The following CCDC7 variants were observed in gnomAD, a reference collection of about 807,000 sequenced individuals.
CCDC7 encodes the protein coiled-coil domain containing 7, also known as coiled-coil domain-containing protein 7.
In CCDC7, 183 loss-of-function variants were observed where a neutral mutation model predicts 196.9. That is an observed-to-expected ratio of 0.93 (90% confidence interval 0.82 to 1.05). The LOEUF (loss-of-function observed/expected upper bound fraction) is 1.05, where lower values mean the gene tolerates loss of function less well. Among genes scored for constraint, CCDC7 ranks in the 50% least tolerant of loss-of-function variants. The pLI is 0.00. For missense variants in CCDC7, 1,540 were observed against 1,482.2 expected (o/e 1.04, Z -0.64); for synonymous variants, 525 against 484.6 (o/e 1.08, Z -1.10).
chr10:32,518,272 T>C (rs1178044966), intron 10 of CCDC7, 144 bp from the exon 12 acceptor site: 1 of 828,472 alleles, frequency 1.2e-6, no homozygotes, highest in Non-Finnish European at 1.7e-6. Context: ...CTCCAATTAT[T>C]GTGTCACTCT....
Position 32,759,475 on chromosome 10 carries a change from G to C in CCDC7, c.2906-19502G>C, listed in dbSNP as rs563897145. 8.0e-3 allele frequency among the ~76,000 whole-genome samples: 1,224 copies of C among 152,056 alleles called. 7 individuals carry two copies. The highest frequency in any genetic ancestry group is 0.02 in the Middle Eastern group (6 of 294). ...ACTATCTGATCTTTGACAAACCTGA[G>C]AAAAACAAGAAATGGGGAAAGGATT... On this transcript the variant is annotated intron_variant, in intron 28 of 41. Coordinates refer to ENST00000639629, the Ensembl canonical transcript of CCDC7.
intron 18 of CCDC7, among the ~76,000 whole-genome samples, chr10:32,617,173 T>A (rs1033062062): frequency 6.6e-6 from 1 of 151,908 alleles, no homozygotes; most frequent in Non-Finnish European, 1.5e-5. Flanking sequence ...ATTGAGATCT[T>A]GTCTCTTCTT....
At chr10:32,500,537 G>C (rs1386915720) in intron 9 of CCDC7, among the ~76,000 whole-genome samples, 2 of 151,684 alleles carry the variant, frequency 1.3e-5, no homozygotes, top group African/African-American at 4.8e-5. Flanking sequence ...GTGATGGCTA[G>C]GAAGAGGTGC....
intron 29 of CCDC7, among the ~76,000 whole-genome samples, chr10:32,802,617 A>G (rs946702459): frequency 1.3e-5 from 2 of 152,308 alleles, no homozygotes; most frequent in African/African-American, 2.4e-5. Context: ...GACTCACACA[A>G]TCAAAAGGTG....
At chr10:32,457,332 T>C (rs1202807074) in intron 3 of CCDC7, among the ~76,000 whole-genome samples, 1 of 152,188 alleles carries the variant, frequency 6.6e-6, no homozygotes, top group African/African-American at 2.4e-5. Context: ...GATTTAATTC[T>C]TTTTTGGAAT....
chr10:32,626,495 TCTC>T (rs1372103673), intron 18 of CCDC7, among the ~76,000 whole-genome samples: 1 of 152,000 alleles, frequency 6.6e-6, no homozygotes, highest in East Asian at 1.9e-4. Flanking sequence ...GTACATGTTT[TCTC>T]CTAATTCATA....
intron 18 of CCDC7, among the ~76,000 whole-genome samples, chr10:32,589,831 T>C (rs925724830): frequency 6.6e-6 from 1 of 152,186 alleles, no homozygotes; most frequent in Non-Finnish European, 1.5e-5. Flanking sequence ...TTATAGTTTT[T>C]ATCTTGAAAT....
intron 13 of CCDC7, among the ~76,000 whole-genome samples, chr10:32,560,332 A>T (rs1219480944): frequency 8.5e-5 from 13 of 152,164 alleles, no homozygotes; most frequent in African/African-American, 3.1e-4. Flanking sequence ...CGCCACAAAG[A>T]TACTCCTCGA....
At chr10:32,449,953 A>G (rs1329480407), upstream of CCDC7, among the ~76,000 whole-genome samples, 2 of 152,200 alleles carry the variant, frequency 1.3e-5, no homozygotes, top group Admixed American at 6.5e-5. Flanking sequence ...TTGTCGTTGG[A>G]CTTTCCAATC....
intron 32 of CCDC7, among the ~76,000 whole-genome samples, chr10:32,828,485 G>A (rs4934624): frequency 0.047 from 2,316 of 49,476 alleles, 300 homozygotes; most frequent in Non-Finnish European, 0.072. Flanking sequence ...AAGAGGAAGA[G>A]GAAGAAGAAG....
chr10:32,805,515 A>G (rs780129313), intron 30 of CCDC7, among the ~76,000 whole-genome samples: 31 of 152,214 alleles, frequency 2.0e-4, no homozygotes, highest in Non-Finnish European at 4.4e-4. Flanking sequence ...TCTATACTTT[A>G]AAATGTCAGG....
At chr10:32,602,155 A>G (rs1431420191) in intron 18 of CCDC7, among the ~76,000 whole-genome samples, 1 of 151,200 alleles carries the variant, frequency 6.6e-6, no homozygotes, top group Non-Finnish European at 1.5e-5. Context: ...CGAGACCACA[A>G]ACCCACTGGA....
intron 21 of CCDC7, among the ~76,000 whole-genome samples, chr10:32,680,535 C>T (rs1440615667): frequency 1.3e-5 from 2 of 152,054 alleles, no homozygotes; most frequent in African/African-American, 4.8e-5. Flanking sequence ...CTCCCATCAA[C>T]TCGTCATTTA....
At chr10:32,673,652 CACGTGTGTGTGT>C (rs937542360) in intron 21 of CCDC7, among the ~76,000 whole-genome samples, 4 of 22,862 alleles carry the variant, frequency 1.7e-4, no homozygotes, top group African/African-American at 3.3e-4. Flanking sequence ...AACCATTGTG[CACGTGTGTGTGT>C]GTGTGTGTGT....
chr10:32,634,308 C>T (rs1053625436), exon 19 of CCDC7: 3 of 1,218,608 alleles, frequency 2.5e-6, no homozygotes, highest in Non-Finnish European at 3.1e-6. Flanking sequence ...GATTCAGTAA[C>T]AAAAGTCCAA....
intron 33 of CCDC7, 22 bp downstream of exon 34, chr10:32,834,920 G>A: frequency 9.1e-7 from 1 of 1,099,560 alleles, no homozygotes; most frequent in African/African-American, 1.6e-5. Flanking sequence ...AATTTTTCAA[G>A]TCTCCTGTTA....
At chr10:32,760,003 A>G (rs1045593400) in intron 28 of CCDC7, among the ~76,000 whole-genome samples, 9 of 152,320 alleles carry the variant, frequency 5.9e-5, no homozygotes, top group Admixed American at 3.9e-4. Flanking sequence ...AATGCTCATC[A>G]TCACTGGCCA....
intron 28 of CCDC7, among the ~76,000 whole-genome samples, chr10:32,754,521 T>C (rs1333998428): frequency 6.6e-6 from 1 of 152,174 alleles, no homozygotes. Context: ...TTTATAAATA[T>C]GATTCTAAAA....
intron 8 of CCDC7, among the ~76,000 whole-genome samples, chr10:32,476,442 C>T (rs1336080513): frequency 6.6e-6 from 1 of 152,120 alleles, no homozygotes; most frequent in African/African-American, 2.4e-5. Context: ...GGATTTACTA[C>T]AATTTATCCA....
Sources: gnomAD v4.1 joint callset for allele counts (sites outside exome capture counted in the v4.1 genomes callset) on GRCh38, gnomAD v4.1.1 for gene constraint, MANE v1.5 for transcripts, NCBI Gene and HGNC (gene_info 2026-07-23, HGNC 2026-07-21) for gene names.